DYSF: variants seen among roughly 807,000 people sequenced by gnomAD.
DYSF encodes dystrophy-associated fer-1-like 1.
A neutral mutation model predicts 274.9 loss-of-function variants in DYSF; 212 were observed. The observed-to-expected ratio is 0.77, with a 90% confidence interval of 0.69 to 0.86. The LOEUF (loss-of-function observed/expected upper bound fraction) is 0.86. DYSF is among the 40% of genes least tolerant of loss of function. The pLI, the probability that DYSF is intolerant of heterozygous loss-of-function variation, is 0.00. For synonymous variants in DYSF, 1,091 were observed against 1,078.7 expected (o/e 1.01, Z -0.22); for missense variants, 2,666 against 2,783.2 (o/e 0.96, Z 0.95).
intron 22 of DYSF, 24 bp from the exon 23 acceptor site, chr2:71,561,728 A>G (rs548132413): frequency 1.2e-6 from 2 of 1,614,022 alleles, no homozygotes; most frequent in East Asian, 2.2e-5. Context: ...CATCAGGCGC[A>G]TTCCATCTGT....
In DYSF at chr2:71,612,726, G is replaced by A. The variant is rs398123787; in HGVS notation, c.4307G>A (p.Gly1436Asp). Reference sequence around the variant, plus strand: ...CAGTTTGGCCGCCGGCCTGTGGTGGGCCAGTGTACCATCCGCTCCCTGGAG... The same window carrying A: ...CAGTTTGGCCGCCGGCCTGTGGTGGACCAGTGTACCATCCGCTCCCTGGAG... ...NRQFGRRPVVGQCTIRSLESF... is the reference protein window; with the variant it reads ...NRQFGRRPVVDQCTIRSLESF... The change falls in exon 39 of 56, where the codon GGC becomes GAC. Residue 1436 changes from glycine to aspartate, a missense_variant. Physicochemically the swap from Gly to Asp is moderately conservative, Grantham distance 94. Coordinates refer to ENST00000410020, the MANE Select transcript of DYSF (RefSeq NM_001130987.2). 9.3e-6 allele frequency: 15 copies of A among 1,614,184 alleles called. No individual in the cohort carries two copies. The Admixed American group carries it at 2.5e-4, about 27-fold the overall frequency.
upstream of DYSF, among the ~76,000 whole-genome samples, chr2:71,462,089 G>A (rs72896804): frequency 0.02 from 3,041 of 152,286 alleles, 93 homozygotes; most frequent in African/African-American, 0.07. Context: ...TGGGCCCACT[G>A]GGCTCCTTCT....
upstream of DYSF, among the ~76,000 whole-genome samples, chr2:71,464,551 T>C (rs2081415982): frequency 6.6e-6 from 1 of 152,136 alleles, no homozygotes; most frequent in African/African-American, 2.4e-5. Context: ...GAGGCGCTGG[T>C]CTGGCCTGTC....
chr2:71,513,454 G>C, intron 6 of DYSF, 122 bp downstream of exon 6: 1 of 1,067,530 alleles, frequency 9.4e-7, no homozygotes, highest in East Asian at 2.6e-5. Context: ...AGGACTTGGC[G>C]GGTGGGAGGG....
At chr2:71,613,545 A>G in intron 40 of DYSF, 135 bp downstream of exon 40, 2 of 839,278 alleles carry the variant, frequency 2.4e-6, no homozygotes, top group East Asian at 2.7e-5. Context: ...GCGGTTGGAC[A>G]CTGTCCAGTA....
At chr2:71,572,859 G>T (rs1433910492) in intron 29 of DYSF, among the ~76,000 whole-genome samples, 3 of 152,236 alleles carry the variant, frequency 2.0e-5, no homozygotes, top group African/African-American at 7.2e-5. Flanking sequence ...TGGCTGGTGA[G>T]GGGGCTGGGG....
At chr2:71,685,944 C>T (rs943198614) in intron 55 of DYSF, among the ~76,000 whole-genome samples, 3 of 152,160 alleles carry the variant, frequency 2.0e-5, no homozygotes, top group Admixed American at 6.5e-5. Flanking sequence ...TGCCGTGGGT[C>T]ATCCACGACA....
At chr2:71,487,608 A>G (rs2083465818) in intron 3 of DYSF, among the ~76,000 whole-genome samples, 1 of 152,172 alleles carries the variant, frequency 6.6e-6, no homozygotes, top group African/African-American at 2.4e-5. Context: ...TCACAGGTTC[A>G]AGCGATTCTC....
rs761112112 is a variant in DYSF, at chr2:71,556,019, G to C, written c.2164G>C (p.Asp722His). The C allele has an allele frequency of 5.7e-6, 9 of 1,579,264 alleles. No homozygotes were observed. The highest frequency in any genetic ancestry group is 1.2e-5 in the South Asian group (1 of 85,786). Residue 722 changes from aspartate (D) to histidine (H), a missense_variant, in exon 22 of 56, where the codon GAC becomes CAC. Asp to His is a moderately conservative substitution (Grantham distance 81). This residue lies in a region of DYSF where 412 missense variants were observed against 504.0 expected (regional missense o/e 0.82). Transcript: ENST00000410020. ...CCTGAAGGCGCAGTGCTCCACGGAG[G>C]ACGTGGACTCGCTGGTGGCTCAGCT... Reference protein sequence around the residue: ...LALKAQCSTEDVDSLVAQLTD... With the variant: ...LALKAQCSTEHVDSLVAQLTD...
intron 9 of DYSF, among the ~76,000 whole-genome samples, chr2:71,516,683 G>A (rs111891142): frequency 1.1e-3 from 166 of 152,306 alleles, no homozygotes; most frequent in African/African-American, 3.8e-3. Context: ...CCTCTGAAGC[G>A]CACTGCAGCC....
intron 1 of DYSF, among the ~76,000 whole-genome samples, chr2:71,478,842 T>G (rs540723227): frequency 6.6e-6 from 1 of 152,086 alleles, no homozygotes; most frequent in Non-Finnish European, 1.5e-5. Flanking sequence ...TTCTCTTTTT[T>G]TCTCTCTCCT....
chr2:71,668,259 G>A (rs2095053650), intron 48 of DYSF, among the ~76,000 whole-genome samples: 2 of 152,220 alleles, frequency 1.3e-5, no homozygotes, highest in Admixed American at 1.3e-4. Flanking sequence ...GGAAACTTCA[G>A]CTCTTTCATC....
At chr2:71,589,154 C>T (rs946193121) in intron 30 of DYSF, among the ~76,000 whole-genome samples, 10 of 152,134 alleles carry the variant, frequency 6.6e-5, no homozygotes, top group African/African-American at 2.4e-4. Context: ...CAGCTTCCTC[C>T]AGAGCTTGGG....
intron 45 of DYSF, 137 bp from the exon 46 acceptor site, chr2:71,664,131 G>T: frequency 9.8e-7 from 1 of 1,019,976 alleles, no homozygotes; most frequent in Non-Finnish European, 1.5e-6. Context: ...GCAGTGCTGT[G>T]GGTGGTTGGG....
intron 17 of DYSF, among the ~76,000 whole-genome samples, chr2:71,542,440 A>T (rs2090011249): frequency 6.6e-6 from 1 of 150,900 alleles, no homozygotes. Context: ...TGGCAGGGTC[A>T]TAGGACAATA....
intron 41 of DYSF, among the ~76,000 whole-genome samples, chr2:71,623,281 C>T (rs550031195): frequency 6.0e-5 from 9 of 151,144 alleles, no homozygotes; most frequent in South Asian, 4.2e-4. Context: ...CCCACTAACT[C>T]GTCATCTAGC....
chr2:71,470,504 C>T (rs773167934), intron 1 of DYSF, among the ~76,000 whole-genome samples: 1 of 151,736 alleles, frequency 6.6e-6, no homozygotes, highest in Non-Finnish European at 1.5e-5. Context: ...AACCCTGTCT[C>T]TACTAAAAAT....
At chr2:71,514,016 T>A in intron 7 of DYSF, 95 bp downstream of exon 7, 1 of 1,445,448 alleles carries the variant, frequency 6.9e-7, no homozygotes, top group South Asian at 1.2e-5. Context: ...CAGGGGAAGA[T>A]GTGTGTGGGA....
At chr2:71,621,315 G>A (rs11897671) in intron 41 of DYSF, among the ~76,000 whole-genome samples, 108,232 of 151,678 alleles carry the variant, frequency 0.71, 40,755 homozygotes, top group East Asian at 0.87. Flanking sequence ...TCAAGAGGAG[G>A]CACTGTTGTA....
Sources: allele counts gnomAD v4.1 joint callset (sites outside exome capture counted in the v4.1 genomes callset), GRCh38; gene constraint gnomAD v4.1.1; regional missense constraint gnomAD v4.1.1; transcripts MANE v1.5; gene names NCBI Gene and HGNC (gene_info 2026-07-23, HGNC 2026-07-21).